Variants in BRAP observed in about 807,000 individuals in gnomAD.
The protein encoded by BRAP is BRCA1-associated protein.
Under a neutral mutation model 73.4 loss-of-function variants are expected in BRAP, and 42 were observed. The ratio of observed to expected loss-of-function variants is 0.57; its 90% confidence interval spans 0.45 to 0.74. BRAP has a LOEUF of 0.74. BRAP is among the 30% of genes least tolerant of loss of function. The pLI, the probability that BRAP is intolerant of heterozygous loss-of-function variation, is 0.00. For missense variants in BRAP, 593 were observed against 751.4 expected, an observed-to-expected ratio of 0.79 and a Z score of 2.46; for synonymous variants, 255 against 267.4, an observed-to-expected ratio of 0.95 and a Z score of 0.45.
chr12:111,660,691 A>G lies in BRAP; in HGVS notation c.897-16T>C. 6.3e-7 allele frequency: 1 copy of G among 1,591,454 alleles called. No individual in the cohort carries two copies. On this transcript the variant is annotated splice_polypyrimidine_tract_variant and intron_variant, in intron 6 of 11. Coordinates refer to ENST00000419234, the MANE Select transcript of BRAP (RefSeq NM_006768.5). ...AACAGGACACCTATCCAGGACACCA[A>G]AAGATAATGGTGCAGGTTAAATATA...
rs555079820 is a variant in BRAP, at chr12:111,660,185, G to T, written c.972+415C>A. Among the ~76,000 whole-genome samples the T allele has an allele frequency of 2.3e-3, 342 of 149,064 alleles. 6 individuals are homozygous for T. In the South Asian group the frequency reaches 0.031, roughly 14 times the overall value. On this transcript the variant is annotated intron_variant, in intron 7 of 11. Coordinates refer to ENST00000419234, the MANE Select transcript of BRAP (RefSeq NM_006768.5). Reference sequence around the variant, plus strand: ...TGCTTTTATGGGTCATTTTTTTTTTGCTGATTTCTAAGGAGCACTATGTGA... The same window carrying T: ...TGCTTTTATGGGTCATTTTTTTTTTTCTGATTTCTAAGGAGCACTATGTGA...
intron 7 of BRAP, among the ~76,000 whole-genome samples, chr12:111,659,655 AAAAC>A (rs971101421): frequency 7.9e-5 from 12 of 151,906 alleles, no homozygotes; most frequent in African/African-American, 2.7e-4. Flanking sequence ...ACTCTGTCTT[AAAAC>A]AAACAAACAA....
chr12:111,681,740 C>A lies in BRAP; in HGVS notation c.340G>T (p.Ala114Ser). The A allele has an allele frequency of 6.2e-7, 1 of 1,614,112 alleles. No homozygotes were observed. The highest frequency in any genetic ancestry group is 1.3e-5 in the African/African-American group (1 of 75,036). The change falls in exon 3 of 12, where the codon GCC becomes TCC. Residue 114 changes from alanine to serine, a missense_variant. Ala to Ser is a moderately conservative substitution (Grantham distance 99, BLOSUM62 1). This residue lies in a region of BRAP where 304 missense variants were observed against 337.7 expected (regional missense o/e 0.90). Transcript: ENST00000419234. ...KDHSKECINA[A>S]PDSPSKQLPD... is the part of the protein sequence containing the mutation. ...AGCTGTTTGGACGGAGAATCTGGGGCAGCGTTTATGCATTCCTTACTGTGA... is the reference window on the plus strand; with the variant it reads ...AGCTGTTTGGACGGAGAATCTGGGGAAGCGTTTATGCATTCCTTACTGTGA...
Position 111,651,146 on chromosome 12 carries a change from C to T in BRAP, c.1312-1104G>A, listed in dbSNP as rs1886304996. 1.3e-5 allele frequency among the ~76,000 whole-genome samples: 2 copies of T among 150,756 alleles called. 1 individual carries two copies. The highest frequency in any genetic ancestry group is 4.1e-4 in the South Asian group (2 of 4,832). ...AAAGTGGCTGAGAATTTAAGTCATACAGCCCAGGGATCAGCTAGACCTTTC... is the reference window on the plus strand; with the variant it reads ...AAAGTGGCTGAGAATTTAAGTCATATAGCCCAGGGATCAGCTAGACCTTTC... On this transcript the variant is annotated intron_variant, in intron 10 of 11. Transcript: ENST00000419234.
intron 4 of BRAP, among the ~76,000 whole-genome samples, chr12:111,674,202 T>G (rs1887287470): frequency 6.6e-6 from 1 of 151,952 alleles, no homozygotes; most frequent in Admixed American, 6.6e-5. Flanking sequence ...TTAATTCCCC[T>G]CTAATGAGGT....
chr12:111,667,534 A>G (rs1441564907), intron 5 of BRAP, among the ~76,000 whole-genome samples: 5 of 151,638 alleles, frequency 3.3e-5, no homozygotes, highest in African/African-American at 1.2e-4. Context: ...CCCTGTCTCC[A>G]CTAAAAACAC....
rs536890759 is a variant in BRAP, at chr12:111,644,004, C to G, written c.*195G>C. 1.2e-6 allele frequency: 1 copy of G among 867,470 alleles called. No homozygotes were observed. The highest frequency in any genetic ancestry group is 1.7e-6 in the Non-Finnish European group (1 of 590,006). 53.7% of individuals were successfully genotyped at this position (867,470 alleles called of 1,614,324 possible). A position where few individuals can be genotyped will look rare whatever the true frequency, so the allele number is the denominator to read the frequency against. ...ACTCTTAAGACCTTTTCGAACGCAGCGCCTTTCTATCAGCTCTCCAGTCAG... is the reference window on the plus strand; with the variant it reads ...ACTCTTAAGACCTTTTCGAACGCAGGGCCTTTCTATCAGCTCTCCAGTCAG... On this transcript the variant is annotated 3_prime_UTR_variant, in exon 12 of 12. Transcript: ENST00000419234.
At chr12:111,649,567 T>G (rs896776747) in intron 11 of BRAP, among the ~76,000 whole-genome samples, 2 of 152,256 alleles carry the variant, frequency 1.3e-5, no homozygotes, top group African/African-American at 4.8e-5. Flanking sequence ...CTTTAACTCC[T>G]GCCCAAGGCC....
Position 111,681,750 on chromosome 12 carries a change from G to A in BRAP, c.330C>T (p.Cys110=). The part of the protein sequence containing the change: ...AQRSKDHSKE[C]INAAPDSPSK... ...ACGGAGAATCTGGGGCAGCGTTTAT[G>A]CATTCCTTACTGTGATCTTTACTTC... The change falls in exon 3 of 12, where the codon TGC becomes TGT. Residue 110 remains cysteine, a synonymous_variant. Transcript: ENST00000419234. The A allele has an allele frequency of 6.2e-7, 1 of 1,614,098 alleles. No homozygotes were observed.
intron 1 of BRAP, 22 bp from the exon 2 acceptor site, chr12:111,683,329 A>G (rs1458490273): frequency 6.3e-7 from 1 of 1,584,122 alleles, no homozygotes; most frequent in Non-Finnish European, 8.6e-7. Context: ...ATGAATGATT[A>G]ATACAAGGTA....
chr12:111,658,848 A>G lies in BRAP; in HGVS notation c.1112-3T>C. ...AACCAGTCGATGAACATAGTTATCT[A>G]CAGAAAGAGTCAACAAAAGTGTGTT... On this transcript the variant is annotated splice_polypyrimidine_tract_variant and splice_region_variant and intron_variant, in intron 8 of 11. Coordinates refer to ENST00000419234, the MANE Select transcript of BRAP (RefSeq NM_006768.5). 6.3e-7 allele frequency: 1 copy of G among 1,594,348 alleles called. No homozygotes were observed. The highest frequency in any genetic ancestry group is 2.2e-5 in the East Asian group (1 of 44,752).
intron 5 of BRAP, chr12:111,669,866 T>C (rs141717404): frequency 1.3e-4 from 82 of 638,612 alleles, no homozygotes; most frequent in African/African-American, 6.5e-4. Flanking sequence ...GTCTTGGTCA[T>C]TGACATTTCC....
At position 111,681,807 on chromosome 12, in the gene BRAP, C is replaced by T. The variant is rs1219052155; in HGVS notation, c.273G>A (p.Arg91=). 1 of 1,611,532 alleles carries T rather than the reference C, an allele frequency of 6.2e-7. No homozygotes were observed. Among genetic ancestry groups the T allele is most frequent in the African/African-American group, 1.3e-5 (1 of 74,708 alleles). Residue 91 remains arginine (R), a synonymous_variant, in exon 3 of 12, where the codon AGG becomes AGA. Coordinates refer to ENST00000419234, the MANE Select transcript of BRAP (RefSeq NM_006768.5). Reference sequence around the variant, plus strand: ...CAGTGGGGGAGGCTTCTGAAGACTTCCTTTCTTCCACTGTAGTTTTTAGTT... The same window carrying T: ...CAGTGGGGGAGGCTTCTGAAGACTTTCTTTCTTCCACTGTAGTTTTTAGTT... ...PDELKTTVEE[R]KSSEASPTAQ...
At chr12:111,656,820 AC>A (rs1189225522) in intron 9 of BRAP, among the ~76,000 whole-genome samples, 1 of 151,984 alleles carries the variant, frequency 6.6e-6, no homozygotes, top group African/African-American at 2.4e-5. Context: ...TGCAACCTCA[AC>A]CTCTTGGGCT....
chr12:111,668,489 A>G (rs1887043728), intron 5 of BRAP, among the ~76,000 whole-genome samples: 1 of 152,218 alleles, frequency 6.6e-6, no homozygotes, highest in African/African-American at 2.4e-5. Flanking sequence ...GCTTACAGCA[A>G]CTAGCTAATA....
At chr12:111,658,683 A>G in intron 9 of BRAP, 53 bp downstream of exon 9, 1 of 1,308,858 alleles carries the variant, frequency 7.6e-7, no homozygotes, top group Non-Finnish European at 1.1e-6. Context: ...TTCAAATTAG[A>G]ATAGTAAAGA....
intron 5 of BRAP, among the ~76,000 whole-genome samples, chr12:111,666,757 G>T (rs1886960716): frequency 6.6e-6 from 1 of 152,156 alleles, no homozygotes; most frequent in African/African-American, 2.4e-5. Context: ...AAAGGTCAGG[G>T]AGCACACACT....
In BRAP at chr12:111,659,350, C is replaced by T. The variant is rs368713388; in HGVS notation, c.973-5G>A. The T allele has an allele frequency of 2.5e-6, 4 of 1,610,540 alleles. No individual in the cohort carries two copies. The highest frequency in any genetic ancestry group is 8.5e-7 in the Non-Finnish European group (1 of 1,177,990). ...TATTAAACAAATCCAAAGATTCTGC[C>T]GGAAGAGGTAAGATCTTAATTAGTT... On this transcript the variant is annotated splice_polypyrimidine_tract_variant and splice_region_variant and intron_variant, in intron 7 of 11. Coordinates refer to ENST00000419234, the MANE Select transcript of BRAP (RefSeq NM_006768.5).
At chr12:111,678,210 T>C (rs1484299702) in intron 4 of BRAP, among the ~76,000 whole-genome samples, 17 of 142,652 alleles carry the variant, frequency 1.2e-4, no homozygotes, top group Non-Finnish European at 2.3e-4. Context: ...GATCGTGCCA[T>C]TGCACTCCAG....
Sources: allele counts gnomAD v4.1 joint callset (sites outside exome capture counted in the v4.1 genomes callset), GRCh38; gene constraint gnomAD v4.1.1; regional missense constraint gnomAD v4.1.1; transcripts MANE v1.5; gene names NCBI Gene and HGNC (gene_info 2026-07-23, HGNC 2026-07-21).